The following KSR1 variants were observed in gnomAD, a reference collection of about 807,000 sequenced individuals.
KSR1 encodes kinase suppressor of ras.
A neutral mutation model predicts 92.9 loss-of-function variants in KSR1; 35 were observed. The observed-to-expected ratio is 0.38, with a 90% CI of 0.29 to 0.50. The LOEUF is 0.50. Ranked by LOEUF, KSR1 falls within the 20% of genes least tolerant of loss-of-function variation. The pLI, the probability that KSR1 is intolerant of heterozygous loss-of-function variation, is 0.94. For missense variants in KSR1, 972 were observed against 1,158.5 expected, an observed-to-expected ratio of 0.84 and a Z score of 2.34; for synonymous variants, 467 against 472.6, an observed-to-expected ratio of 0.99 and a Z score of 0.15.
chr17:27,607,793 C>T (rs2073801338), intron 14 of KSR1, 121 bp from the exon 15 acceptor site: 9 of 718,720 alleles, frequency 1.3e-5, no homozygotes, highest in Admixed American at 2.4e-5. Flanking sequence ...GGCTCACAGT[C>T]GAGGGGCTGG....
intron 2 of KSR1, among the ~76,000 whole-genome samples, chr17:27,566,013 G>C (rs1598041146): frequency 6.6e-6 from 1 of 152,112 alleles, no homozygotes; most frequent in Non-Finnish European, 1.5e-5. Flanking sequence ...GGTTCTTCCT[G>C]TTGGTCTCCA....
intron 1 of KSR1, among the ~76,000 whole-genome samples, chr17:27,504,718 G>A (rs2069314385): frequency 6.6e-6 from 1 of 152,202 alleles, no homozygotes; most frequent in Non-Finnish European, 1.5e-5. Context: ...CTGAGCAGAT[G>A]CTGCCTTACC....
In KSR1 at chr17:27,577,060, T is replaced by A. The variant is rs1037017117; in HGVS notation, c.373-432T>A. Among the ~76,000 whole-genome samples the A allele has an allele frequency of 2.0e-5, 3 of 151,802 alleles. No homozygotes were observed. Among genetic ancestry groups the A allele is most frequent in the South Asian group, 2.1e-4 (1 of 4,818 alleles). On this transcript the variant is annotated intron_variant, in intron 2 of 20. Transcript: ENST00000644974. The surrounding 1 kb of genome is among the most constrained non-coding windows in gnomAD (Gnocchi z 4.5). ...GTGAGGTTTTTTTGTTTTTTTTTTT[T>A]AAATCCTTCCTTTCTTGAGCCAGTT...
At chr17:27,605,866 C>T in intron 14 of KSR1, 53 bp downstream of exon 14, 1 of 1,599,346 alleles carries the variant, frequency 6.3e-7, no homozygotes, top group Non-Finnish European at 8.5e-7. Flanking sequence ...CTCCCCCTTC[C>T]CAGGGAGCCC....
chr17:27,529,911 T>C (rs1277659764), intron 1 of KSR1, among the ~76,000 whole-genome samples: 1 of 152,182 alleles, frequency 6.6e-6, no homozygotes, highest in Non-Finnish European at 1.5e-5. Context: ...TGGCCCCCAC[T>C]TGAATCTGAG....
At chr17:27,617,206 A>T in intron 18 of KSR1, 89 bp from the exon 19 acceptor site, 1 of 1,403,202 alleles carries the variant, frequency 7.1e-7, no homozygotes, top group Non-Finnish European at 9.4e-7. Flanking sequence ...ACTTGAGAAC[A>T]TCAAAGGGAC....
chr17:27,480,735 A>C (rs1012610784), intron 1 of KSR1, among the ~76,000 whole-genome samples: 1 of 152,224 alleles, frequency 6.6e-6, no homozygotes, highest in African/African-American at 2.4e-5. Context: ...ATGCTTAAAT[A>C]ATATTCAAAT....
chr17:27,480,441 AG>A (rs1489301746), intron 1 of KSR1, among the ~76,000 whole-genome samples: 1 of 151,882 alleles, frequency 6.6e-6, no homozygotes, highest in Admixed American at 6.6e-5. Context: ...TCTGTTGCCC[AG>A]GCTGGAGTGC....
intron 3 of KSR1, chr17:27,578,412 T>C (rs1253288721): frequency 2.0e-5 from 3 of 152,656 alleles, no homozygotes; most frequent in Non-Finnish European, 4.4e-5. Context: ...TATCAAGTCC[T>C]CTGAACACGG....
At chr17:27,584,113 G>T (rs1328844198) in intron 4 of KSR1, 3 of 428,554 alleles carry the variant, frequency 7.0e-6, no homozygotes, top group East Asian at 1.6e-4. Flanking sequence ...AAGAAAGGGA[G>T]TGTTTTCCTT....
At chr17:27,584,963 G>T (rs2072912818) in intron 4 of KSR1, among the ~76,000 whole-genome samples, 1 of 152,204 alleles carries the variant, frequency 6.6e-6, no homozygotes, top group Admixed American at 6.5e-5. Context: ...CTGAGAAGGA[G>T]TCTTGCTCTG....
At chr17:27,576,887 T>TCTGCCTGCCACTTTCTTCACCGTATGGC (rs2072526300) in intron 2 of KSR1, among the ~76,000 whole-genome samples, 1 of 152,130 alleles carries the variant, frequency 6.6e-6, no homozygotes, top group Admixed American at 6.5e-5. Context: ...ACCTTAAAAT[T>TCTGCCTGCCACTTTCTTCACCGTATGGC]CTGCCTGCCA....
At position 27,583,050 on chromosome 17, in the gene KSR1, A is replaced by G; in HGVS notation, c.925A>G (p.Ser309Gly). 6.2e-7 allele frequency: 1 copy of G among 1,604,674 alleles called. No individual in the cohort carries two copies. The highest frequency in any genetic ancestry group is 8.5e-7 in the Non-Finnish European group (1 of 1,175,710). Reference sequence around the variant, plus strand: ...GCCCAGCTTCCCCACACTCACCCGGAGCAAGTCCCATGAGTCTCAGCTGGG... The same window carrying G: ...GCCCAGCTTCCCCACACTCACCCGGGGCAAGTCCCATGAGTCTCAGCTGGG... ...LLPSFPTLTR[S>G]KSHESQLGNR... is the part of the protein sequence containing the mutation. The change falls in exon 4 of 21, where the codon AGC becomes GGC. Residue 309 changes from serine to glycine, a missense_variant. Ser to Gly is a moderately conservative substitution (Grantham distance 56). Transcript: ENST00000644974.
chr17:27,561,007 C>A (rs1400336279), intron 2 of KSR1, among the ~76,000 whole-genome samples: 1 of 152,178 alleles, frequency 6.6e-6, no homozygotes, highest in African/African-American at 2.4e-5. Flanking sequence ...AAGTGGTGGA[C>A]TGGCATGCCT....
In KSR1 at chr17:27,501,264, C is replaced by CT. The variant is rs555435353; in HGVS notation, c.231+44404dup. On this transcript the variant is annotated intron_variant, in intron 1 of 20. Transcript: ENST00000644974. ...CAGGAGTTGTCCTAATTTTCTTTTT[C>CT]TTTTTTTTTTTTTTAATTTCTTTTC... 8.2e-3 allele frequency among the ~76,000 whole-genome samples: 427 copies of CT among 52,120 alleles called. 11 individuals are homozygous for CT. The East Asian group carries it at 0.14, about 17-fold the overall frequency. The allele number at this position is 52,120 out of a possible 152,430, so 34.2% of individuals were successfully genotyped here.
chr17:27,487,586 T>TAAA (rs75708903), intron 1 of KSR1, among the ~76,000 whole-genome samples: 1 of 145,934 alleles, frequency 6.9e-6, no homozygotes, highest in Non-Finnish European at 1.5e-5. Flanking sequence ...CCATCTCTTT[T>TAAA]AAAAAAAAAA....
chr17:27,537,725 A>G (rs912239562), intron 1 of KSR1, among the ~76,000 whole-genome samples: 2 of 152,178 alleles, frequency 1.3e-5, no homozygotes, highest in Non-Finnish European at 2.9e-5. Context: ...AAAAATACCT[A>G]TCGGGATTCA....
At chr17:27,492,401 C>T (rs150497101) in intron 1 of KSR1, among the ~76,000 whole-genome samples, 5 of 152,224 alleles carry the variant, frequency 3.3e-5, no homozygotes, top group Admixed American at 6.5e-5. Flanking sequence ...TTCTTGTGCC[C>T]GTGAATTCCT....
chr17:27,515,166 A>G lies in KSR1; in HGVS notation c.232-35402A>G, dbSNP rs889430324. Among the ~76,000 whole-genome samples, 3 of 152,378 alleles carry G rather than the reference A, an allele frequency of 2.0e-5. No individual in the cohort carries two copies. In the East Asian group the frequency reaches 5.8e-4, roughly 29 times the overall value. On this transcript the variant is annotated intron_variant, in intron 1 of 20. Transcript: ENST00000644974. ...TTTCATAGAAAGCGAATTTATATTC[A>G]GTAACTGAAACATTCTTGTAAGCAC...
Sources: gnomAD v4.1 joint callset for allele counts (sites outside exome capture counted in the v4.1 genomes callset) on GRCh38, gnomAD v4.1.1 for gene constraint, Gnocchi (gnomAD v3.1) non-coding constraint, MANE v1.5 for transcripts, NCBI Gene and HGNC (gene_info 2026-07-23, HGNC 2026-07-21) for gene names.